Variants in TMPRSS7 observed in about 807,000 individuals in gnomAD.
TMPRSS7 encodes the protein transmembrane protease serine 7.
TMPRSS7 carries 81 observed loss-of-function variants against 95.6 expected under a neutral mutation model. That is an observed-to-expected ratio of 0.85 (90% confidence interval 0.71 to 1.02). The LOEUF (loss-of-function observed/expected upper bound fraction) is 1.02, where lower values mean the gene tolerates loss of function less well. Ranked by LOEUF, TMPRSS7 falls within the 50% of genes least tolerant of loss-of-function variation. TMPRSS7 has a pLI of 0.00. For missense variants in TMPRSS7, 945 were observed against 955.2 expected (o/e 0.99, Z 0.14); for synonymous variants, 364 against 337.8 (o/e 1.08, Z -0.85).
At chr3:112,066,485 A>T (rs762688119) in exon 13 of TMPRSS7, 1 of 1,613,882 alleles carries the variant, frequency 6.2e-7, no homozygotes, top group Non-Finnish European at 8.5e-7. Context: ...GGCCGGGATG[A>T]GCAAAACTGC....
intron 2 of TMPRSS7, among the ~76,000 whole-genome samples, chr3:112,040,031 C>T (rs1334911755): frequency 4.6e-5 from 7 of 152,066 alleles, no homozygotes; most frequent in African/African-American, 7.2e-5. Context: ...GCTTGGTGTG[C>T]GGAACCCCTG....
intron 3 of TMPRSS7, chr3:112,043,056 A>G (rs1050603776): frequency 2.2e-5 from 10 of 455,960 alleles, no homozygotes; most frequent in African/African-American, 1.6e-4. Flanking sequence ...AATGCCTGCT[A>G]TATACTGGGT....
At chr3:112,037,013 A>T (rs1159138476) in intron 1 of TMPRSS7, among the ~76,000 whole-genome samples, 2 of 152,126 alleles carry the variant, frequency 1.3e-5, no homozygotes, top group Admixed American at 1.3e-4. Flanking sequence ...CTGAGGATGT[A>T]TGTAGCCTCA....
At chr3:112,042,396 T>G (rs2073219801) in intron 3 of TMPRSS7, among the ~76,000 whole-genome samples, 2 of 152,230 alleles carry the variant, frequency 1.3e-5, no homozygotes, top group Non-Finnish European at 2.9e-5. Flanking sequence ...TGTACACATT[T>G]ATTTCAACCT....
At chr3:112,080,077 A>C (rs1000356221) in intron 17 of TMPRSS7, among the ~76,000 whole-genome samples, 2 of 152,182 alleles carry the variant, frequency 1.3e-5, no homozygotes, top group Non-Finnish European at 2.9e-5. Context: ...TACTAGTTGG[A>C]ATTTTCCTAA....
Position 112,076,888 on chromosome 3 carries a change from C to T in TMPRSS7, c.1968C>T (p.Pro656=), listed in dbSNP as rs370633220. Reference sequence around the variant, plus strand: ...ACTGTTCTATCAGGCTGTCAGATCCCACACCATGGACTGCACACCTCGGGA... The same window carrying T: ...ACTGTTCTATCAGGCTGTCAGATCCTACACCATGGACTGCACACCTCGGGA... Residue 656 remains proline (P), a synonymous_variant, in exon 16 of 18, where the codon CCC becomes CCT. Transcript: ENST00000452346. 7 of 1,613,804 alleles carry T rather than the reference C, an allele frequency of 4.3e-6. No individual in the cohort carries two copies. In the African/African-American group the frequency reaches 8.0e-5, roughly 18 times the overall value.
At chr3:112,069,169 A>G (rs1227688369) in intron 13 of TMPRSS7, among the ~76,000 whole-genome samples, 1 of 152,182 alleles carries the variant, frequency 6.6e-6, no homozygotes, top group Admixed American at 6.5e-5. Context: ...CCCAAAGATG[A>G]AGCCCACTTG....
At position 112,043,791 on chromosome 3, in the gene TMPRSS7, G is replaced by A. The variant is rs74985943; in HGVS notation, c.430-464G>A. On this transcript the variant is annotated intron_variant, in intron 3 of 17. Transcript: ENST00000452346. ...CGCTTCCCTAGAGTTTGTTATGAAG[G>A]GGGCTGGTAGACCTGGCTGTGGGTA... 6.8e-3 allele frequency among the ~76,000 whole-genome samples: 1,042 copies of A among 152,282 alleles called. 11 individuals carry two copies. Among genetic ancestry groups the A allele is most frequent in the African/African-American group, 0.022 (922 of 41,554 alleles).
intron 15 of TMPRSS7, 124 bp from the exon 16 acceptor site, chr3:112,076,752 A>G: frequency 2.6e-6 from 3 of 1,144,896 alleles, no homozygotes; most frequent in Non-Finnish European, 3.7e-6. Context: ...AAAGCCAGTG[A>G]CTATAATAAC....
chr3:112,043,352 T>C (rs1319004459), intron 3 of TMPRSS7, among the ~76,000 whole-genome samples: 1 of 152,168 alleles, frequency 6.6e-6, no homozygotes, highest in Admixed American at 6.5e-5. Flanking sequence ...TGGTCTGTCA[T>C]TGACCAAAAT....
chr3:112,056,984 G>T (rs1460049537), intron 9 of TMPRSS7, 41 bp from the exon 10 acceptor site: 4 of 1,408,722 alleles, frequency 2.8e-6, no homozygotes, highest in South Asian at 2.4e-5. Flanking sequence ...TACATACTTT[G>T]ATTGAAGCAT....
chr3:112,077,254 C>T (rs1272578429), intron 16 of TMPRSS7, 110 bp downstream of exon 16: 2 of 1,221,102 alleles, frequency 1.6e-6, no homozygotes, highest in Non-Finnish European at 2.3e-6. Flanking sequence ...CTCCTTTGAA[C>T]CTCCTGACAA....
At chr3:112,074,695 C>G (rs1050924412) in intron 14 of TMPRSS7, among the ~76,000 whole-genome samples, 2 of 152,084 alleles carry the variant, frequency 1.3e-5, no homozygotes, top group East Asian at 3.8e-4. Context: ...AAATAAAAAC[C>G]TTGTGAGAAA....
intron 16 of TMPRSS7, among the ~76,000 whole-genome samples, chr3:112,078,458 G>A (rs746495418): frequency 2.0e-4 from 30 of 152,214 alleles, no homozygotes; most frequent in Non-Finnish European, 3.5e-4. Flanking sequence ...ACGGAAAACA[G>A]GAGGGAAATG....
At position 112,074,420 on chromosome 3, in the gene TMPRSS7, G is replaced by T; in HGVS notation, c.1783+8G>T. 1 of 1,591,374 alleles carries T rather than the reference G, an allele frequency of 6.3e-7. No individual in the cohort carries two copies. The highest frequency in any genetic ancestry group is 1.1e-5 in the South Asian group (1 of 89,832). On this transcript the variant is annotated splice_region_variant and intron_variant, in intron 14 of 17. Coordinates refer to ENST00000452346, the Ensembl canonical transcript of TMPRSS7. ...GTGATGAAGAAGGCTGCAGTAAGTA[G>T]AAATTCATTCCTTTGGGTTCCTGTA...
rs748214403 is a variant in TMPRSS7, at chr3:112,042,070, G to A, written c.429+20G>A. 1 of 1,548,082 alleles carries A rather than the reference G, an allele frequency of 6.5e-7. No homozygotes were observed. Among genetic ancestry groups the A allele is most frequent in the Non-Finnish European group, 8.7e-7 (1 of 1,143,852 alleles). On this transcript the variant is annotated intron_variant, in intron 3 of 17. Coordinates refer to ENST00000452346, the Ensembl canonical transcript of TMPRSS7. ...CAAGTGGTGAGGCGATGGAGGTAGA[G>A]GGTATTAGGGTAGAGTGGGTTTGCG... is the stretch of plus-strand genomic sequence containing the variant.
At chr3:112,066,003 G>A (rs58766302) in intron 12 of TMPRSS7, among the ~76,000 whole-genome samples, 3,885 of 152,212 alleles carry the variant, frequency 0.026, 162 homozygotes, top group African/African-American at 0.087. Flanking sequence ...CTTGAGGTAC[G>A]GAGATGAAGA....
chr3:112,049,815 T>C lies in TMPRSS7; in HGVS notation c.960-29T>C, dbSNP rs369450687. 63 of 1,497,812 alleles carry C rather than the reference T, an allele frequency of 4.2e-5. No individual in the cohort carries two copies. The African/African-American group carries it at 8.1e-4, about 19-fold the overall frequency. 92.8% of individuals were successfully genotyped at this position (1,497,812 alleles called of 1,614,324 possible). A position where few individuals can be genotyped will look rare whatever the true frequency, so the allele number is the denominator to read the frequency against. On this transcript the variant is annotated intron_variant, in intron 7 of 17. Transcript: ENST00000452346. ...CATTTCTCAAATAACGTATTATTCA[T>C]GTACTTTTGTTTTATTATCTGCTTT...
At chr3:112,074,838 T>C (rs1025932181) in intron 14 of TMPRSS7, among the ~76,000 whole-genome samples, 26 of 152,224 alleles carry the variant, frequency 1.7e-4, no homozygotes, top group Non-Finnish European at 3.1e-4. Context: ...GGCTACTACT[T>C]GGCCATGTGG....
Sources: gnomAD v4.1 joint callset for allele counts (sites outside exome capture counted in the v4.1 genomes callset) on GRCh38, gnomAD v4.1.1 for gene constraint, MANE v1.5 for transcripts, NCBI Gene and HGNC (gene_info 2026-07-23, HGNC 2026-07-21) for gene names.